TMEM132B: variants seen among roughly 807,000 people sequenced by gnomAD.
The protein encoded by TMEM132B is transmembrane protein 132B.
Under a neutral mutation model 90.8 loss-of-function variants are expected in TMEM132B, and 18 were observed. That is an observed-to-expected ratio of 0.20 (90% CI 0.14 to 0.29). The LOEUF (loss-of-function observed/expected upper bound fraction) is 0.29, where lower values mean the gene tolerates loss of function less well. Ranked by LOEUF, TMEM132B falls within the 10% of genes least tolerant of loss-of-function variation. The probability of loss-of-function intolerance (pLI) is 1.00; values close to 1 mark genes in which losing one functional copy is unlikely to be tolerated. For synonymous variants in TMEM132B, 504 were observed against 523.3 expected (o/e 0.96, Z 0.50); for missense variants, 1,096 against 1,326.8 (o/e 0.83, Z 2.70).
At chr12:125,302,496 G>A (rs143522980) in intron 1 of TMEM132B, among the ~76,000 whole-genome samples, 70 of 152,178 alleles carry the variant, frequency 4.6e-4, no homozygotes, top group African/African-American at 1.5e-3. Context: ...GGGGTTGTTC[G>A]TTATACAGCA....
At chr12:125,511,665 A>G (rs1432610509) in intron 3 of TMEM132B, among the ~76,000 whole-genome samples, 2 of 151,980 alleles carry the variant, frequency 1.3e-5, no homozygotes, top group African/African-American at 4.8e-5. Context: ...ATCCTGGCTA[A>G]CATGGTGAAA....
chr12:125,551,663 T>C (rs922266567), intron 4 of TMEM132B, among the ~76,000 whole-genome samples: 3 of 151,980 alleles, frequency 2.0e-5, no homozygotes, highest in African/African-American at 7.3e-5. Context: ...TATCGTTGTA[T>C]TGGTTTGCTA....
intron 5 of TMEM132B, among the ~76,000 whole-genome samples, chr12:125,605,134 C>T (rs1009038498): frequency 2.0e-5 from 3 of 152,172 alleles, no homozygotes; most frequent in Non-Finnish European, 4.4e-5. Flanking sequence ...GTTTGAAAAT[C>T]GTGTTCACTT....
At chr12:125,359,631 A>G (rs1290638233) in intron 2 of TMEM132B, among the ~76,000 whole-genome samples, 1 of 152,250 alleles carries the variant, frequency 6.6e-6, no homozygotes, top group East Asian at 1.9e-4. Context: ...CACTGATTTT[A>G]TAAATACCAG....
intron 1 of TMEM132B, among the ~76,000 whole-genome samples, chr12:125,212,555 G>A (rs1209542572): frequency 6.6e-6 from 1 of 152,116 alleles, no homozygotes; most frequent in Non-Finnish European, 1.5e-5. Flanking sequence ...TTAGCCAGGT[G>A]TGGTGGTGGG....
Position 125,248,627 on chromosome 12 carries a change from T to C in TMEM132B, c.67+61761T>C, listed in dbSNP as rs370289364. Among the ~76,000 whole-genome samples the C allele has an allele frequency of 1.7e-4, 26 of 152,352 alleles. No individual in the cohort carries two copies. In the East Asian group the frequency reaches 2.9e-3, roughly 17 times the overall value. On this transcript the variant is annotated intron_variant, in intron 1 of 8. Coordinates refer to ENST00000682704, the MANE Select transcript of TMEM132B (RefSeq NM_001366854.1). ...CTAATAAATTATAAAGTAATCTATC[T>C]GTTCCACTTAAAGGCAGAAGTGTAG...
chr12:125,512,210 A>G (rs1883000169), intron 3 of TMEM132B, among the ~76,000 whole-genome samples: 1 of 152,192 alleles, frequency 6.6e-6, no homozygotes, highest in African/African-American at 2.4e-5. Context: ...GGCCTATTGG[A>G]AAGTTTCAAC....
At chr12:125,391,039 T>TTGTGTGTGTG (rs776555734) in intron 2 of TMEM132B, among the ~76,000 whole-genome samples, 1 of 143,536 alleles carries the variant, frequency 7.0e-6, no homozygotes, top group Non-Finnish European at 1.6e-5. Context: ...TACTAAAGAA[T>TTGTGTGTGTG]AGTGTGTGTG....
chr12:125,256,288 A>G (rs1874437004), intron 1 of TMEM132B, among the ~76,000 whole-genome samples: 3 of 152,338 alleles, frequency 2.0e-5, no homozygotes, highest in South Asian at 4.1e-4. Flanking sequence ...TATATTTTTA[A>G]TACAGCCTCG....
chr12:125,428,412 T>C (rs1317870851), intron 3 of TMEM132B, among the ~76,000 whole-genome samples: 2 of 152,226 alleles, frequency 1.3e-5, no homozygotes, highest in Non-Finnish European at 2.9e-5. Context: ...TATTCATTCA[T>C]TTATTGTTTT....
At chr12:125,359,442 C>A (rs538636364) in intron 2 of TMEM132B, among the ~76,000 whole-genome samples, 1 of 151,504 alleles carries the variant, frequency 6.6e-6, no homozygotes, top group East Asian at 1.9e-4. Flanking sequence ...ATATTGGCTA[C>A]AAAAAAGACA....
intron 3 of TMEM132B, among the ~76,000 whole-genome samples, chr12:125,466,684 A>G (rs956276713): frequency 3.3e-5 from 5 of 152,216 alleles, no homozygotes; most frequent in Admixed American, 6.5e-5. Context: ...TCAAAACCTG[A>G]GCAATGGAGG....
At position 125,323,799 on chromosome 12, in the gene TMEM132B, G is replaced by GT. The variant is rs373893691; in HGVS notation, c.68-25652dup. Among the ~76,000 whole-genome samples, 840 of 152,306 alleles carry GT rather than the reference G, an allele frequency of 5.5e-3. 6 individuals carry two copies. Among genetic ancestry groups the GT allele is most frequent in the African/African-American group, 0.019 (797 of 41,564 alleles). Reference sequence around the variant, plus strand: ...CTTCCAAAGTGCTAGGATTACAGGCGTGAGCCACCGTACTGGGCTCCTTGT... The same window carrying GT: ...CTTCCAAAGTGCTAGGATTACAGGCGTTGAGCCACCGTACTGGGCTCCTTGT... On this transcript the variant is annotated intron_variant, in intron 1 of 8. Transcript: ENST00000682704.
chr12:125,285,578 G>A (rs1875326728), intron 1 of TMEM132B, among the ~76,000 whole-genome samples: 2 of 152,186 alleles, frequency 1.3e-5, no homozygotes, highest in African/African-American at 4.8e-5. Context: ...AAAGCACATG[G>A]TGAAATTTCT....
At chr12:125,632,142 A>G (rs1171366470) in intron 5 of TMEM132B, among the ~76,000 whole-genome samples, 2 of 151,752 alleles carry the variant, frequency 1.3e-5, no homozygotes, top group African/African-American at 4.8e-5. Flanking sequence ...TATATTTTAT[A>G]TGTTTGTTAC....
chr12:125,337,350 T>C (rs902305233), intron 1 of TMEM132B, among the ~76,000 whole-genome samples: 3 of 152,122 alleles, frequency 2.0e-5, no homozygotes, highest in African/African-American at 7.2e-5. Context: ...GTGTGGGTGT[T>C]CACATTTGGC....
intron 1 of TMEM132B, among the ~76,000 whole-genome samples, chr12:125,223,507 TAC>T (rs1873605419): frequency 6.6e-6 from 1 of 152,184 alleles, no homozygotes; most frequent in East Asian, 1.9e-4. Flanking sequence ...TGTGGTAAAA[TAC>T]ACACAACATA....
intron 5 of TMEM132B, among the ~76,000 whole-genome samples, chr12:125,627,529 A>AT (rs56383586): frequency 0.096 from 14,548 of 151,750 alleles, 1,150 homozygotes; most frequent in Admixed American, 0.27. Flanking sequence ...GTTTTTTAAC[A>AT]TTTTTTTAAT....
chr12:125,353,458 G>T (rs1877662356), intron 2 of TMEM132B, among the ~76,000 whole-genome samples: 1 of 152,226 alleles, frequency 6.6e-6, no homozygotes, highest in South Asian at 2.1e-4. Context: ...TTGGAGTCTG[G>T]CTGGGAAAGG....
Sources: allele counts gnomAD v4.1 joint callset (sites outside exome capture counted in the v4.1 genomes callset), GRCh38; gene constraint gnomAD v4.1.1; transcripts MANE v1.5; gene names NCBI Gene and HGNC (gene_info 2026-07-23, HGNC 2026-07-21).